ZFP90: variants seen among roughly 807,000 people sequenced by gnomAD.
ZFP90 encodes the protein zinc finger protein 90 homolog.
In ZFP90, 38 loss-of-function variants were observed where a neutral mutation model predicts 60.8. That is an observed-to-expected ratio of 0.62 (90% confidence interval 0.48 to 0.82). The LOEUF (loss-of-function observed/expected upper bound fraction) is 0.82. Ranked by LOEUF, ZFP90 falls within the 40% of genes least tolerant of loss-of-function variation. ZFP90 has a pLI of 0.00. For missense variants in ZFP90, 711 were observed against 759.1 expected, an observed-to-expected ratio of 0.94 and a Z score of 0.74; for synonymous variants, 287 against 264.8, an observed-to-expected ratio of 1.08 and a Z score of -0.82.
At chr16:68,554,941 T>G (rs1342289556) in intron 2 of ZFP90, 1 of 152,170 alleles carries the variant, frequency 6.6e-6, no homozygotes, top group African/African-American at 2.4e-5. Flanking sequence ...AGGTTTTACT[T>G]CTCACCACTT....
intron 1 of ZFP90, 96 bp from the exon 2 acceptor site, chr16:68,539,662 C>G: frequency 2.1e-6 from 2 of 969,550 alleles, no homozygotes; most frequent in Non-Finnish European, 2.9e-6. Context: ...CACCATCTCC[C>G]CTGGAGATGT....
rs1023724829 is a variant in ZFP90, at chr16:68,548,837, G to A, written c.33+9012G>A. On this transcript the variant is annotated intron_variant, in intron 2 of 4. Coordinates refer to ENST00000563169, the MANE Select transcript of ZFP90 (RefSeq NM_001305203.2). ...ATCTTTTAAAAATTTCTTCTTACTC[G>A]ATTTATCAGAGGTTTTTCTATTTGG... Among the ~76,000 whole-genome samples the A allele has an allele frequency of 3.3e-5, 5 of 152,160 alleles. 1 individual carries two copies. In the Middle Eastern group the frequency reaches 0.017, roughly 521 times the overall value.
rs2091516847 is a variant in ZFP90 at position 68,565,755 on chromosome 16, A to G, written c.*1057A>G. 3 of 985,388 alleles carry G rather than the reference A, an allele frequency of 3.0e-6. No individual in the cohort carries two copies. Among genetic ancestry groups the G allele is most frequent in the African/African-American group, 1.7e-5 (1 of 57,214 alleles). The allele number at this position is 985,388 out of a possible 1,614,324, so 61.0% of individuals were successfully genotyped here. On this transcript the variant is annotated 3_prime_UTR_variant, in exon 5 of 5. Transcript: ENST00000563169. ...AAGTTAAGTCTAATTGCCCATTGCC[A>G]TAAATTTTGCCTTGTACTCAGAGAA... is the stretch of plus-strand genomic sequence containing the variant.
intron 2 of ZFP90, among the ~76,000 whole-genome samples, chr16:68,545,685 G>A (rs543384893): frequency 3.3e-5 from 5 of 152,144 alleles, no homozygotes; most frequent in African/African-American, 4.8e-5. Context: ...CATGGTGGCC[G>A]GTGCCTGTAG....
At chr16:68,557,324 A>G (rs554214302) in intron 2 of ZFP90, 5 of 453,438 alleles carry the variant, frequency 1.1e-5, no homozygotes, top group Non-Finnish European at 2.2e-5. Flanking sequence ...GTCGCATTTT[A>G]TTATTAATAC....
intron 3 of ZFP90, 156 bp from the exon 4 acceptor site, chr16:68,558,317 C>A: frequency 8.8e-7 from 1 of 1,133,474 alleles, no homozygotes; most frequent in Non-Finnish European, 1.3e-6. Context: ...TTTTGCAAAA[C>A]TGGAAATAGG....
At chr16:68,544,189 T>G (rs1305123305) in intron 2 of ZFP90, among the ~76,000 whole-genome samples, 1 of 152,094 alleles carries the variant, frequency 6.6e-6, no homozygotes, top group African/African-American at 2.4e-5. Flanking sequence ...ACATTTTTAG[T>G]TAGGAAACAA....
At chr16:68,553,374 A>G (rs1282952064) in intron 2 of ZFP90, among the ~76,000 whole-genome samples, 1 of 152,058 alleles carries the variant, frequency 6.6e-6, no homozygotes, top group South Asian at 2.1e-4. Context: ...GTCAAGGGAA[A>G]AGGCGGAACA....
chr16:68,548,628 T>C (rs1417481321), intron 2 of ZFP90, among the ~76,000 whole-genome samples: 1 of 151,986 alleles, frequency 6.6e-6, no homozygotes, highest in Non-Finnish European at 1.5e-5. Context: ...GTAGCTGGGA[T>C]TACAGGCATG....
At chr16:68,544,820 C>T (rs2091116373) in intron 2 of ZFP90, among the ~76,000 whole-genome samples, 1 of 147,732 alleles carries the variant, frequency 6.8e-6, no homozygotes, top group Non-Finnish European at 1.5e-5. Context: ...TCCCGTGTAA[C>T]GTTAGGTACC....
chr16:68,533,807 G>A (rs1345569040), exon 2 of ZFP90: 1 of 152,122 alleles, frequency 6.6e-6, no homozygotes, highest in African/African-American at 2.4e-5. Flanking sequence ...TGAGTAGCTG[G>A]GAGCCATCAC....
intron 2 of ZFP90, among the ~76,000 whole-genome samples, chr16:68,548,736 C>T (rs192758184): frequency 6.6e-5 from 10 of 151,866 alleles, no homozygotes; most frequent in Non-Finnish European, 1.0e-4. Flanking sequence ...GTGATTCGCC[C>T]GCCTCGGCCT....
At chr16:68,552,939 C>T (rs903006569) in intron 2 of ZFP90, among the ~76,000 whole-genome samples, 4 of 152,166 alleles carry the variant, frequency 2.6e-5, no homozygotes, top group East Asian at 3.9e-4. Context: ...GTGGTCCCAG[C>T]TGCTTAGGAG....
At chr16:68,558,354 T>TG in intron 3 of ZFP90, 119 bp from the exon 4 acceptor site, 2 of 1,150,540 alleles carry the variant, frequency 1.7e-6, no homozygotes, top group Non-Finnish European at 2.6e-6. Context: ...CTCCTTAAGT[T>TG]GCACCTTTTT....
intron 2 of ZFP90, among the ~76,000 whole-genome samples, chr16:68,542,343 C>T (rs541127039): frequency 1.5e-3 from 225 of 152,240 alleles, no homozygotes; most frequent in Non-Finnish European, 2.0e-3. Flanking sequence ...GTAATCCCAG[C>T]ACTTTGGGAG....
At position 68,563,352 on chromosome 16, in the gene ZFP90, G is replaced by A; in HGVS notation, c.565G>A (p.Gly189Arg). 1 of 1,614,116 alleles carries A rather than the reference G, an allele frequency of 6.2e-7. No individual in the cohort carries two copies. The highest frequency in any genetic ancestry group is 1.7e-5 in the Admixed American group (1 of 60,012). Residue 189 changes from glycine to arginine, a missense_variant, in exon 5 of 5, where the codon GGA becomes AGA. Around this residue, in one of 5 missense-constraint regions of ZFP90, gnomAD observed 241 missense variants for 247.6 expected, o/e 0.97. Coordinates refer to ENST00000563169, the MANE Select transcript of ZFP90 (RefSeq NM_001305203.2). ...RIRPSECETL[G>R]SNLGHNADLL... ...AAGGCCTAGTGAATGTGAGACCCTT[G>A]GAAGCAATTTGGGACATAATGCAGA...
downstream of ZFP90, among the ~76,000 whole-genome samples, chr16:68,568,265 G>A (rs2152077692): frequency 6.6e-6 from 1 of 152,310 alleles, no homozygotes; most frequent in South Asian, 2.1e-4. Flanking sequence ...TGTTTTAAGT[G>A]AGCAATTGAG....
chr16:68,574,591 A>T (rs1027199147), intron 2 of ZFP90, among the ~76,000 whole-genome samples: 1 of 152,168 alleles, frequency 6.6e-6, no homozygotes, highest in Non-Finnish European at 1.5e-5. Context: ...TGATCCTAGC[A>T]CTCAAATCTG....
rs112306114 is a variant in ZFP90 at position 68,556,851 on chromosome 16, G to A, written c.34-1147G>A. 4.9e-3 allele frequency among the ~76,000 whole-genome samples: 743 copies of A among 152,318 alleles called. 4 individuals are homozygous for A. Among genetic ancestry groups the A allele is most frequent in the African/African-American group, 0.017 (702 of 41,574 alleles). The stretch of plus-strand genomic sequence containing the variant: ...GGAGGCCATGCTTGAGATGATGCCT[G>A]AATAACTGGTTAACTAGTTGTCAAC... On this transcript the variant is annotated intron_variant, in intron 2 of 4. Coordinates refer to ENST00000563169, the MANE Select transcript of ZFP90 (RefSeq NM_001305203.2).
Sources: gnomAD v4.1 joint callset for allele counts (sites outside exome capture counted in the v4.1 genomes callset) on GRCh38, gnomAD v4.1.1 for gene constraint, gnomAD v4.1.1 regional missense constraint, MANE v1.5 for transcripts, NCBI Gene and HGNC (gene_info 2026-07-23, HGNC 2026-07-21) for gene names.